Variants in SNX29 observed in about 807,000 individuals in gnomAD.
The protein encoded by SNX29 is sorting nexin 29.
SNX29 carries 78 observed loss-of-function variants against 102.1 expected under a neutral mutation model. The observed-to-expected ratio is 0.76, with a 90% CI of 0.64 to 0.92. The LOEUF (loss-of-function observed/expected upper bound fraction) is 0.92. Ranked by LOEUF, SNX29 falls within the 40% of genes least tolerant of loss-of-function variation. The pLI is 0.00. For missense variants in SNX29, 1,280 were observed against 1,061.7 expected, an observed-to-expected ratio of 1.21 and a Z score of -2.86; for synonymous variants, 580 against 414.5, an observed-to-expected ratio of 1.40 and a Z score of -4.85.
chr16:12,537,104 C>A (rs940899411), intron 20 of SNX29, among the ~76,000 whole-genome samples: 3 of 152,210 alleles, frequency 2.0e-5, no homozygotes, highest in Non-Finnish European at 2.9e-5. Context: ...CACGGTCAGT[C>A]CCTTTCCTCC....
chr16:12,426,136 G>A (rs1319401794), intron 18 of SNX29, among the ~76,000 whole-genome samples: 3 of 151,920 alleles, frequency 2.0e-5, no homozygotes, highest in Non-Finnish European at 2.9e-5. Flanking sequence ...GGTATATCAG[G>A]TAGCTTGGGC....
At chr16:12,540,035 A>T (rs1315829805) in intron 20 of SNX29, among the ~76,000 whole-genome samples, 1 of 152,146 alleles carries the variant, frequency 6.6e-6, no homozygotes, top group African/African-American at 2.4e-5. Flanking sequence ...AATTTTGATG[A>T]AATTTACTTT....
intron 20 of SNX29, among the ~76,000 whole-genome samples, chr16:12,541,268 A>T (rs1164593262): frequency 6.6e-6 from 1 of 152,192 alleles, no homozygotes; most frequent in East Asian, 1.9e-4. Flanking sequence ...GGAGAGAATG[A>T]CAGGAGCAGG....
intron 20 of SNX29, among the ~76,000 whole-genome samples, chr16:12,563,843 T>G (rs2078869131): frequency 6.6e-6 from 1 of 152,222 alleles, no homozygotes; most frequent in Non-Finnish European, 1.5e-5. Flanking sequence ...CCTGTAAATA[T>G]CCCTGCTGAA....
At chr16:12,199,910 G>T (rs979661164) in intron 14 of SNX29, among the ~76,000 whole-genome samples, 25 of 152,210 alleles carry the variant, frequency 1.6e-4, no homozygotes, top group African/African-American at 5.5e-4. Flanking sequence ...ATTAGCAACA[G>T]TCTTATTGGT....
chr16:12,562,866 T>C (rs1435222220), intron 20 of SNX29, among the ~76,000 whole-genome samples: 1 of 152,178 alleles, frequency 6.6e-6, no homozygotes, highest in Non-Finnish European at 1.5e-5. Context: ...TCCCGGTCTG[T>C]GCTTTGTCAT....
intron 18 of SNX29, among the ~76,000 whole-genome samples, chr16:12,447,291 A>G (rs923914495): frequency 1.3e-4 from 20 of 151,558 alleles, no homozygotes; most frequent in African/African-American, 4.6e-4. Context: ...TCGGCTTAGC[A>G]TGAGCTTTGG....
At chr16:12,236,035 C>T (rs1425635303) in intron 14 of SNX29, among the ~76,000 whole-genome samples, 1 of 152,154 alleles carries the variant, frequency 6.6e-6, no homozygotes, top group Non-Finnish European at 1.5e-5. Flanking sequence ...CTGTTTCCTT[C>T]CTGTCCTCTC....
intron 13 of SNX29, among the ~76,000 whole-genome samples, chr16:12,170,393 A>G (rs1242263643): frequency 2.0e-5 from 3 of 152,006 alleles, no homozygotes; most frequent in African/African-American, 4.8e-5. Context: ...ATCCAGACCC[A>G]TGGAGCAAAG....
At chr16:12,492,824 A>G (rs1409378279) in intron 19 of SNX29, among the ~76,000 whole-genome samples, 5 of 152,244 alleles carry the variant, frequency 3.3e-5, no homozygotes, top group Non-Finnish European at 7.3e-5. Flanking sequence ...CAGGTTTGCC[A>G]AAGATCAGAT....
chr16:12,394,777 TG>T (rs1279099057), intron 16 of SNX29, among the ~76,000 whole-genome samples: 6 of 152,356 alleles, frequency 3.9e-5, no homozygotes, highest in African/African-American at 1.2e-4. Context: ...AGATTTGGCT[TG>T]GGCTCCTGAT....
intron 20 of SNX29, among the ~76,000 whole-genome samples, chr16:12,560,391 T>TA (rs2078655524): frequency 6.6e-6 from 1 of 152,212 alleles, no homozygotes; most frequent in Admixed American, 6.5e-5. Flanking sequence ...TTTTGAGTTC[T>TA]TTAATCCCCA....
chr16:12,562,819 A>T (rs559474841), intron 20 of SNX29, among the ~76,000 whole-genome samples: 1 of 152,088 alleles, frequency 6.6e-6, no homozygotes, highest in African/African-American at 2.4e-5. Flanking sequence ...CTTTCCCCCC[A>T]AATTTCCTAG....
intron 10 of SNX29, among the ~76,000 whole-genome samples, chr16:12,070,548 G>A (rs2151305730): frequency 6.6e-6 from 1 of 151,780 alleles, no homozygotes; most frequent in African/African-American, 2.4e-5. Context: ...TGGTGTATAT[G>A]TGCCACATTT....
chr16:12,331,221 G>A (rs1596945438), intron 15 of SNX29, among the ~76,000 whole-genome samples: 1 of 152,116 alleles, frequency 6.6e-6, no homozygotes, highest in Non-Finnish European at 1.5e-5. Flanking sequence ...TGGCTGCCCG[G>A]TTTCACTCCT....
chr16:12,079,001 G>GT (rs1255464775), intron 11 of SNX29, 86 bp downstream of exon 11: 14 of 1,183,878 alleles, frequency 1.2e-5, no homozygotes, highest in African/African-American at 4.6e-5. Context: ...TTCTAACCCT[G>GT]TGACTGTGGG....
At chr16:12,460,719 G>A (rs910829156) in intron 18 of SNX29, among the ~76,000 whole-genome samples, 2 of 148,634 alleles carry the variant, frequency 1.3e-5, no homozygotes, top group African/African-American at 5.0e-5. Context: ...GTGCAGTGGT[G>A]CGATCTCAGC....
At chr16:12,565,389 T>A (rs1222656564) in intron 20 of SNX29, among the ~76,000 whole-genome samples, 2 of 152,116 alleles carry the variant, frequency 1.3e-5, no homozygotes, top group Non-Finnish European at 2.9e-5. Context: ...TTTCCGCAGG[T>A]GTCATCCACT....
intron 13 of SNX29, among the ~76,000 whole-genome samples, chr16:12,157,228 T>A (rs946677762): frequency 6.6e-6 from 1 of 152,030 alleles, no homozygotes; most frequent in Admixed American, 6.5e-5. Context: ...CCCCTCAAGG[T>A]GCTGGCTGTC....
Sources: gnomAD v4.1 joint callset for allele counts (sites outside exome capture counted in the v4.1 genomes callset) on GRCh38, gnomAD v4.1.1 for gene constraint, MANE v1.5 for transcripts, NCBI Gene and HGNC (gene_info 2026-07-23, HGNC 2026-07-21) for gene names.